The following C8orf34 variants were observed in gnomAD, a reference collection of about 807,000 sequenced individuals.
C8orf34 encodes the protein chromosome 8 open reading frame 34.
Under a neutral mutation model 68.3 loss-of-function variants are expected in C8orf34, and 65 were observed. That is an observed-to-expected ratio of 0.95 (90% CI 0.78 to 1.17). The LOEUF (loss-of-function observed/expected upper bound fraction) is 1.17. C8orf34 is among the 50% of genes most tolerant of loss of function. C8orf34 has a pLI of 0.00. For missense variants in C8orf34, 664 were observed against 655.4 expected (o/e 1.01, Z -0.14); for synonymous variants, 244 against 241.2 (o/e 1.01, Z -0.11).
At chr8:68,745,806 A>G (rs1473443435) in intron 10 of C8orf34, among the ~76,000 whole-genome samples, 10 of 152,080 alleles carry the variant, frequency 6.6e-5, no homozygotes, top group African/African-American at 1.2e-4. Flanking sequence ...ACACCCCACT[A>G]TCAACATTAG....
intron 1 of C8orf34, among the ~76,000 whole-genome samples, chr8:68,368,715 A>T (rs1243142796): frequency 6.6e-6 from 1 of 152,162 alleles, no homozygotes; most frequent in African/African-American, 2.4e-5. Flanking sequence ...TATTGAGATT[A>T]CCATATGATT....
At chr8:68,434,075 C>G (rs1259613580) in intron 1 of C8orf34, among the ~76,000 whole-genome samples, 1 of 152,094 alleles carries the variant, frequency 6.6e-6, no homozygotes, top group East Asian at 1.9e-4. Flanking sequence ...TTTATGTTCT[C>G]TAAGTTCTTT....
At chr8:68,525,419 A>C in intron 6 of C8orf34, 1 of 406,416 alleles carries the variant, frequency 2.5e-6, no homozygotes, top group Non-Finnish European at 4.4e-6. Flanking sequence ...CATAACTTAT[A>C]AATTTCTTAA....
At chr8:68,563,492 A>G (rs376983073) in intron 7 of C8orf34, among the ~76,000 whole-genome samples, 15 of 152,264 alleles carry the variant, frequency 9.9e-5, no homozygotes, top group African/African-American at 3.6e-4. Flanking sequence ...ATAAAAACAC[A>G]ACTTTTAAAG....
intron 5 of C8orf34, among the ~76,000 whole-genome samples, chr8:68,514,872 A>G (rs1257375792): frequency 6.6e-6 from 1 of 152,180 alleles, no homozygotes; most frequent in East Asian, 1.9e-4. Flanking sequence ...GAGAAATATA[A>G]GAAAATAGAA....
chr8:68,360,755 T>C (rs1026589970), intron 1 of C8orf34, among the ~76,000 whole-genome samples: 4 of 145,174 alleles, frequency 2.8e-5, no homozygotes, highest in Non-Finnish European at 1.5e-5. Context: ...TTTCTTCCTT[T>C]CTTTTTTTTT....
chr8:68,373,921 G>A (rs992061409), intron 1 of C8orf34, among the ~76,000 whole-genome samples: 1 of 151,892 alleles, frequency 6.6e-6, no homozygotes, highest in Admixed American at 6.5e-5. Flanking sequence ...ATGTTTTTTT[G>A]TTTGTTTATT....
chr8:68,744,822 C>G (rs964593145), intron 10 of C8orf34, among the ~76,000 whole-genome samples: 1 of 152,120 alleles, frequency 6.6e-6, no homozygotes, highest in African/African-American at 2.4e-5. Context: ...ACGATATTAT[C>G]CAGGAGAACT....
At chr8:68,386,611 TG>T (rs1216121676) in intron 1 of C8orf34, among the ~76,000 whole-genome samples, 1 of 152,202 alleles carries the variant, frequency 6.6e-6, no homozygotes, top group African/African-American at 2.4e-5. Context: ...AAGCTGTCCT[TG>T]GGTAACTGCT....
rs150094375 is a variant in C8orf34 at position 68,757,624 on chromosome 8, A to AAAATAAAT, written c.1405-18755_1405-18748dup. On this transcript the variant is annotated intron_variant, in intron 10 of 13. Transcript: ENST00000518698. ...CAATAGAGTGAGACTCCGTCTCAAA[A>AAAATAAAT]AAATAAATAAATAAATAAATAAATA... 1.4e-3 allele frequency among the ~76,000 whole-genome samples: 220 copies of AAAATAAAT among 151,938 alleles called. 2 individuals are homozygous for AAAATAAAT. The highest frequency in any genetic ancestry group is 4.9e-3 in the African/African-American group (205 of 41,456).
At chr8:68,631,000 C>T (rs1038592011) in intron 7 of C8orf34, among the ~76,000 whole-genome samples, 11 of 146,556 alleles carry the variant, frequency 7.5e-5, no homozygotes, top group Admixed American at 2.1e-4. Flanking sequence ...GTTCATGGCT[C>T]ATGCCTGTAA....
At chr8:68,662,764 C>G (rs7818845) in intron 8 of C8orf34, among the ~76,000 whole-genome samples, 11,351 of 152,130 alleles carry the variant, frequency 0.075, 615 homozygotes, top group African/African-American at 0.15. Flanking sequence ...TAGGAATCCC[C>G]TTTTTTTCAC....
At chr8:68,463,896 C>T (rs1228666041) in intron 3 of C8orf34, among the ~76,000 whole-genome samples, 2 of 152,182 alleles carry the variant, frequency 1.3e-5, no homozygotes, top group Non-Finnish European at 2.9e-5. Context: ...CAGGGATGCC[C>T]TCTTTCACTA....
intron 7 of C8orf34, among the ~76,000 whole-genome samples, chr8:68,578,712 T>C (rs1816978296): frequency 6.6e-6 from 1 of 151,850 alleles, no homozygotes; most frequent in Non-Finnish European, 1.5e-5. Flanking sequence ...AGGTTTTCTC[T>C]TCATTTGCCA....
At chr8:68,565,886 G>T (rs1816572973) in intron 7 of C8orf34, among the ~76,000 whole-genome samples, 1 of 152,110 alleles carries the variant, frequency 6.6e-6, no homozygotes, top group African/African-American at 2.4e-5. Context: ...TAGAGATGTA[G>T]ATGTATCCAA....
At chr8:68,764,769 G>A (rs1214516632) in intron 10 of C8orf34, among the ~76,000 whole-genome samples, 17 of 152,148 alleles carry the variant, frequency 1.1e-4, no homozygotes, top group Middle Eastern at 3.4e-3. Context: ...ATAGATAGTC[G>A]GGAACAAGGA....
chr8:68,503,022 G>T (rs529752377), intron 5 of C8orf34, among the ~76,000 whole-genome samples: 1 of 152,270 alleles, frequency 6.6e-6, no homozygotes, highest in South Asian at 2.1e-4. Flanking sequence ...AAGATGAAAA[G>T]CTCAAAAGGC....
intron 7 of C8orf34, among the ~76,000 whole-genome samples, chr8:68,603,001 C>G (rs1042858750): frequency 2.0e-5 from 3 of 152,104 alleles, no homozygotes; most frequent in African/African-American, 7.2e-5. Flanking sequence ...ACACCCTATT[C>G]AGCATGTATA....
At chr8:68,556,173 A>G (rs894300121) in intron 7 of C8orf34, among the ~76,000 whole-genome samples, 4 of 151,990 alleles carry the variant, frequency 2.6e-5, no homozygotes, top group Admixed American at 1.3e-4. Context: ...ATGGCCAAAA[A>G]GTATATAAAT....
Sources: allele counts gnomAD v4.1 joint callset (sites outside exome capture counted in the v4.1 genomes callset), GRCh38; gene constraint gnomAD v4.1.1; transcripts MANE v1.5; gene names NCBI Gene and HGNC (gene_info 2026-07-23, HGNC 2026-07-21).